The following TAFA1 variants were observed in gnomAD, a reference collection of about 807,000 sequenced individuals.
TAFA1 encodes TAFA chemokine like family member 1.
Under a neutral mutation model 18.5 loss-of-function variants are expected in TAFA1, and 4 were observed. That is an observed-to-expected ratio of 0.22 (90% CI 0.11 to 0.49). The LOEUF (loss-of-function observed/expected upper bound fraction) is 0.49, where lower values mean the gene tolerates loss of function less well. Among genes scored for constraint, TAFA1 ranks in the 20% least tolerant of loss-of-function variants. The pLI, the probability that TAFA1 is intolerant of heterozygous loss-of-function variation, is 0.98. For missense variants in TAFA1, 147 were observed against 169.0 expected (o/e 0.87, Z 0.72); for synonymous variants, 56 against 55.2 (o/e 1.01, Z -0.06).
At chr3:68,379,119 T>C (rs1264869058) in intron 2 of TAFA1, among the ~76,000 whole-genome samples, 1 of 152,180 alleles carries the variant, frequency 6.6e-6, no homozygotes, top group East Asian at 1.9e-4. Flanking sequence ...AAATTTACAC[T>C]CCCACCAACA....
At chr3:68,491,185 C>T (rs2072446002) in intron 3 of TAFA1, among the ~76,000 whole-genome samples, 1 of 152,130 alleles carries the variant, frequency 6.6e-6, no homozygotes, top group African/African-American at 2.4e-5. Flanking sequence ...CATCCCATTA[C>T]TGGGTATATA....
At chr3:68,434,296 G>T (rs1264459641) in intron 3 of TAFA1, among the ~76,000 whole-genome samples, 1 of 152,082 alleles carries the variant, frequency 6.6e-6, no homozygotes, top group East Asian at 1.9e-4. Flanking sequence ...TCCGAGGAAG[G>T]CTCAACAATT....
At chr3:68,307,058 T>A (rs7640455) in intron 2 of TAFA1, among the ~76,000 whole-genome samples, 1 of 152,204 alleles carries the variant, frequency 6.6e-6, no homozygotes, top group Admixed American at 6.6e-5. Flanking sequence ...GCTTCTGTTT[T>A]TTCATCAATA....
chr3:68,177,291 A>C (rs2066138174), intron 2 of TAFA1, among the ~76,000 whole-genome samples: 1 of 152,200 alleles, frequency 6.6e-6, no homozygotes, highest in African/African-American at 2.4e-5. Flanking sequence ...AATCAACATT[A>C]ATGATCAGAG....
intron 2 of TAFA1, among the ~76,000 whole-genome samples, chr3:68,070,351 T>C (rs569421859): frequency 1.3e-5 from 2 of 152,348 alleles, no homozygotes; most frequent in South Asian, 4.1e-4. Flanking sequence ...TGGCCCATTT[T>C]AGCTGCAGTT....
chr3:68,020,178 C>T (rs184023386), intron 2 of TAFA1, among the ~76,000 whole-genome samples: 4 of 152,278 alleles, frequency 2.6e-5, no homozygotes, highest in African/African-American at 9.6e-5. Context: ...AAATGGGCCA[C>T]GTAGCATCTA....
intron 2 of TAFA1, among the ~76,000 whole-genome samples, chr3:68,337,876 G>GA (rs2069001821): frequency 6.6e-6 from 1 of 152,090 alleles, no homozygotes. Flanking sequence ...TCTTCCAGCT[G>GA]AAAAAAGAGC....
At chr3:68,184,565 T>G (rs1371596220) in intron 2 of TAFA1, among the ~76,000 whole-genome samples, 4 of 152,134 alleles carry the variant, frequency 2.6e-5, no homozygotes, top group Non-Finnish European at 5.9e-5. Flanking sequence ...GCTACATAGG[T>G]AATTTTTGGC....
chr3:68,225,358 C>A (rs1055202918), intron 2 of TAFA1, among the ~76,000 whole-genome samples: 1 of 152,110 alleles, frequency 6.6e-6, no homozygotes, highest in Non-Finnish European at 1.5e-5. Context: ...TTCGTAGCAA[C>A]TTTTATAGGG....
intron 2 of TAFA1, among the ~76,000 whole-genome samples, chr3:68,395,876 G>A (rs1056165903): frequency 3.3e-5 from 5 of 152,016 alleles, no homozygotes; most frequent in Admixed American, 6.6e-5. Flanking sequence ...GATGGGTGCA[G>A]CAAACCACCA....
intron 3 of TAFA1, among the ~76,000 whole-genome samples, chr3:68,435,987 G>A (rs989617864): frequency 4.6e-5 from 7 of 152,072 alleles, no homozygotes; most frequent in Non-Finnish European, 1.0e-4. Context: ...GCTGAAGCAG[G>A]GTCTAGACAT....
Position 68,367,729 on chromosome 3 carries a change from T to A in TAFA1, c.119-49551T>A, listed in dbSNP as rs777364355. On this transcript the variant is annotated intron_variant, in intron 2 of 4. Transcript: ENST00000478136. ...GGCTCTCTGTGGTAGGACCCATGCA[T>A]CTGCTCGCTTGTGTTGCCTGTTTGT... Among the ~76,000 whole-genome samples, 119 of 151,870 alleles carry A rather than the reference T, an allele frequency of 7.8e-4. 2 individuals are homozygous for A. The highest frequency in any genetic ancestry group is 1.3e-4 in the Admixed American group (2 of 15,252).
intron 3 of TAFA1, among the ~76,000 whole-genome samples, chr3:68,421,222 G>C (rs2070949646): frequency 6.6e-6 from 1 of 152,112 alleles, no homozygotes; most frequent in African/African-American, 2.4e-5. Flanking sequence ...TGGGAACTCT[G>C]AACCCTTTGG....
intron 2 of TAFA1, among the ~76,000 whole-genome samples, chr3:68,408,090 A>T (rs550071309): frequency 6.6e-6 from 1 of 152,104 alleles, no homozygotes; most frequent in African/African-American, 2.4e-5. Context: ...CTGATCAAAA[A>T]GTCCTGTAAA....
At chr3:68,473,151 C>T (rs892088852) in intron 3 of TAFA1, among the ~76,000 whole-genome samples, 8 of 152,170 alleles carry the variant, frequency 5.3e-5, no homozygotes, top group African/African-American at 1.2e-4. Context: ...TAGGAATCTT[C>T]GGTAGCTCAG....
In TAFA1 at chr3:68,070,053, GCCA is replaced by G. The variant is rs150594837; in HGVS notation, c.118+63310_118+63312del. On this transcript the variant is annotated intron_variant, in intron 2 of 4. Coordinates refer to ENST00000478136, the MANE Select transcript of TAFA1 (RefSeq NM_213609.4). ...CCATTCTGGGGACTGGGGGATGATTGCCATCTTCTCACAGATTCACTAAGCAGT... is the reference window on the plus strand; with the variant it reads ...CCATTCTGGGGACTGGGGGATGATTGTCTTCTCACAGATTCACTAAGCAGT... Among the ~76,000 whole-genome samples the G allele has an allele frequency of 2.1e-3, 318 of 152,290 alleles. 1 individual carries two copies. Among genetic ancestry groups the G allele is most frequent in the Admixed American group, 4.0e-3 (61 of 15,296 alleles).
At chr3:68,240,782 T>G (rs1321892644) in intron 2 of TAFA1, among the ~76,000 whole-genome samples, 1 of 152,306 alleles carries the variant, frequency 6.6e-6, no homozygotes, top group East Asian at 1.9e-4. Context: ...TACAAAGTCT[T>G]TTCAAAAGAA....
chr3:68,207,781 T>A (rs901331544), intron 2 of TAFA1, among the ~76,000 whole-genome samples: 1 of 152,008 alleles, frequency 6.6e-6, no homozygotes. Context: ...GCACTGCATA[T>A]CTCAGTTGAT....
chr3:68,343,531 C>G (rs2069118756), intron 2 of TAFA1, among the ~76,000 whole-genome samples: 1 of 152,116 alleles, frequency 6.6e-6, no homozygotes, highest in African/African-American at 2.4e-5. Flanking sequence ...ATGGGGTTCT[C>G]AAATTCCATG....
Sources: gnomAD v4.1 joint callset for allele counts (sites outside exome capture counted in the v4.1 genomes callset) on GRCh38, gnomAD v4.1.1 for gene constraint, MANE v1.5 for transcripts, NCBI Gene and HGNC (gene_info 2026-07-23, HGNC 2026-07-21) for gene names.